CHD9: variants seen among roughly 807,000 people sequenced by gnomAD.
CHD9 encodes the protein ATP-dependent chromatin remodeler CHD9.
CHD9 carries 77 observed loss-of-function variants against 316.1 expected under a neutral mutation model. The ratio of observed to expected loss-of-function variants is 0.24; its 90% CI spans 0.20 to 0.29. CHD9 has a LOEUF of 0.29. CHD9 is among the 10% of genes least tolerant of loss of function. The pLI is 1.00. For synonymous variants in CHD9, 1,129 were observed against 1,158.3 expected, an observed-to-expected ratio of 0.97 and a Z score of 0.51; for missense variants, 2,763 against 3,438.1, an observed-to-expected ratio of 0.80 and a Z score of 4.91.
chr16:53,073,737 C>G (rs2034291805), intron 1 of CHD9, among the ~76,000 whole-genome samples: 1 of 152,206 alleles, frequency 6.6e-6, no homozygotes, highest in African/African-American at 2.4e-5. Flanking sequence ...TCTCTAACTG[C>G]TGCCATGTAA....
At position 53,070,002 on chromosome 16, in the gene CHD9, T is replaced by C. The variant is rs141341445; in HGVS notation, c.-165+14925T>C. ...TTTTGATTTTCAGTTTTCTAATGAT[T>C]AGTGATGTTGAGCATCTTTTCATGC... is the stretch of plus-strand genomic sequence containing the variant. On this transcript the variant is annotated intron_variant, in intron 1 of 38. Transcript: ENST00000447540. 2.4e-3 allele frequency among the ~76,000 whole-genome samples: 358 copies of C among 152,326 alleles called. 3 individuals are homozygous for C. The highest frequency in any genetic ancestry group is 8.3e-3 in the African/African-American group (345 of 41,574).
In CHD9 at chr16:53,157,282, C is replaced by A; in HGVS notation, c.1193C>A (p.Thr398Asn). 6.2e-7 allele frequency: 1 copy of A among 1,609,292 alleles called. No individual in the cohort carries two copies. Among genetic ancestry groups the A allele is most frequent in the Non-Finnish European group, 8.5e-7 (1 of 1,177,458 alleles). The change falls in exon 2 of 39, where the codon ACT (threonine) becomes AAT (asparagine). Residue 398 changes from threonine (T) to asparagine (N), a missense_variant. Around this residue, in one of 15 missense-constraint regions of CHD9, gnomAD observed 859 missense variants for 890.4 expected, o/e 0.96. Coordinates refer to ENST00000447540, the MANE Select transcript of CHD9 (RefSeq NM_001308319.2). Reference sequence around the variant, plus strand: ...TTACTTCATCAAGTGGAATCTCAAACTGAGCCATTCACAGGACTTGACCCC... The same window carrying A: ...TTACTTCATCAAGTGGAATCTCAAAATGAGCCATTCACAGGACTTGACCCC... The part of the protein sequence containing the change: ...ENLLHQVESQ[T>N]EPFTGLDPED...
chr16:53,237,074 C>G (rs1048862671), intron 11 of CHD9, among the ~76,000 whole-genome samples: 1 of 152,098 alleles, frequency 6.6e-6, no homozygotes, highest in African/African-American at 2.4e-5. Flanking sequence ...ATTCTTTAAA[C>G]ACAACAGATT....
rs745373078 is a variant in CHD9, at chr16:53,209,812, G to C, written c.1783G>C (p.Gly595Arg). ...TAAGTTAAAAGAGAAGACAAAAATT[G>C]GGTAAGTTGGTTAAGAATTAAATTT... ...CSKLKEKTKI[G>R]KLIITLGKKQ... The change falls in exon 3 of 39, where the codon GGC (glycine) becomes CGC (arginine). Residue 595 changes from glycine (G) to arginine (R), a missense_variant and splice_region_variant. By Grantham distance (125) the Gly-to-Arg change is moderately radical. Coordinates refer to ENST00000447540, the MANE Select transcript of CHD9 (RefSeq NM_001308319.2). 1.5e-5 allele frequency: 23 copies of C among 1,547,154 alleles called. No homozygotes were observed. Among genetic ancestry groups the C allele is most frequent in the African/African-American group, 2.8e-5 (2 of 72,268 alleles).
intron 1 of CHD9, among the ~76,000 whole-genome samples, chr16:53,069,615 C>T (rs2033831383): frequency 6.6e-6 from 1 of 152,206 alleles, no homozygotes; most frequent in African/African-American, 2.4e-5. Context: ...GTATCTGCCA[C>T]AGTGTGTTTA....
At chr16:53,082,389 C>T (rs1004523034) in intron 1 of CHD9, among the ~76,000 whole-genome samples, 1 of 152,068 alleles carries the variant, frequency 6.6e-6, no homozygotes, top group Non-Finnish European at 1.5e-5. Context: ...AGGCCTTTGC[C>T]GCCACACCCA....
At chr16:53,250,759 A>G (rs1203251091) in intron 17 of CHD9, 1 of 152,142 alleles carries the variant, frequency 6.6e-6, no homozygotes, top group Non-Finnish European at 1.5e-5. Flanking sequence ...AGAACAAAAT[A>G]TAAGAGAAAT....
intron 1 of CHD9, among the ~76,000 whole-genome samples, chr16:53,114,698 C>G (rs1211670315): frequency 1.3e-5 from 2 of 152,232 alleles, no homozygotes; most frequent in African/African-American, 4.8e-5. Flanking sequence ...CGCCATTCTC[C>G]TGTCTCAGCC....
At chr16:53,307,129 A>C (rs779738223) in intron 32 of CHD9, among the ~76,000 whole-genome samples, 2 of 152,022 alleles carry the variant, frequency 1.3e-5, no homozygotes, top group African/African-American at 2.4e-5. Flanking sequence ...ACTTACCTTT[A>C]AGAATGAGGT....
intron 1 of CHD9, among the ~76,000 whole-genome samples, chr16:53,126,319 G>A (rs138977055): frequency 1.6e-3 from 248 of 152,160 alleles, no homozygotes; most frequent in Non-Finnish European, 3.0e-3. Flanking sequence ...CAATCTAAAT[G>A]TCTTGGCATT....
At position 53,263,093 on chromosome 16, in the gene CHD9, G is replaced by T. The variant is rs1333230341; in HGVS notation, c.4316G>T (p.Gly1439Val). ...GAAATAGATATAGAGGCCATCAGTG[G>T]CAGAGTAAGTATTTTTATCCCTCTA... Reference protein sequence around the residue: ...KAEIDIEAISGRNSLVIDTPR... With the variant: ...KAEIDIEAISVRNSLVIDTPR... Residue 1439 changes from glycine (G) to valine (V), a missense_variant, in exon 20 of 39, where the codon GGC (glycine) becomes GTC (valine). Physicochemically the swap from Gly to Val is moderately radical, Grantham distance 109 (BLOSUM62 -3). This residue lies in a region of CHD9 where 199 missense variants were observed against 251.7 expected (regional missense o/e 0.79). Coordinates refer to ENST00000447540, the MANE Select transcript of CHD9 (RefSeq NM_001308319.2). 1 of 1,606,778 alleles carries T rather than the reference G, an allele frequency of 6.2e-7. No homozygotes were observed.
chr16:53,315,147 C>A, intron 36 of CHD9, 103 bp downstream of exon 36: 1 of 752,524 alleles, frequency 1.3e-6, no homozygotes, highest in Non-Finnish European at 2.2e-6. Context: ...AATATGTGCT[C>A]TGCCTAAGAC....
intron 2 of CHD9, among the ~76,000 whole-genome samples, chr16:53,170,925 A>G (rs2042665077): frequency 6.6e-6 from 1 of 152,164 alleles, no homozygotes; most frequent in African/African-American, 2.4e-5. Flanking sequence ...CAACTCAGGA[A>G]GGAAGTAAGG....
intron 3 of CHD9, among the ~76,000 whole-genome samples, chr16:53,221,154 A>G (rs542763484): frequency 1.3e-5 from 2 of 152,342 alleles, no homozygotes; most frequent in Non-Finnish European, 2.9e-5. Context: ...TTAGTTGAGA[A>G]ATCACTATGC....
chr16:53,147,301 A>C (rs184833363), intron 1 of CHD9, among the ~76,000 whole-genome samples: 1 of 152,356 alleles, frequency 6.6e-6, no homozygotes, highest in East Asian at 1.9e-4. Flanking sequence ...AGGGAACAGT[A>C]AATACAAAGT....
chr16:53,286,563 T>A (rs1319214737), intron 26 of CHD9, among the ~76,000 whole-genome samples: 1 of 151,982 alleles, frequency 6.6e-6, no homozygotes, highest in Non-Finnish European at 1.5e-5. Context: ...TTTTGATGAG[T>A]TTTTCATTTC....
intron 1 of CHD9, chr16:53,122,235 C>G (rs191745970): frequency 6.6e-6 from 1 of 151,764 alleles, no homozygotes; most frequent in East Asian, 1.9e-4. Flanking sequence ...ATTATTTATA[C>G]GGGAATAATA....
chr16:53,326,041 T>G lies in CHD9; in HGVS notation c.*1146T>G, dbSNP rs1268164446. 6.6e-6 allele frequency: 1 copy of G among 152,536 alleles called. No homozygotes were observed. The highest frequency in any genetic ancestry group is 1.5e-5 in the Non-Finnish European group (1 of 67,944). The allele number at this position is 152,536 out of a possible 1,614,324, so 9.4% of individuals were successfully genotyped here. ...GAGTTGCCCGTTTTGAAAATGCACT[T>G]TGAATAATCTCAAAAAGATGTACAA... On this transcript the variant is annotated 3_prime_UTR_variant, in exon 39 of 39. Transcript: ENST00000447540.
rs2041510107 is a variant in CHD9 at position 53,156,198 on chromosome 16, G to A, written c.109G>A (p.Asp37Asn). 6.2e-7 allele frequency: 1 copy of A among 1,613,826 alleles called. No individual in the cohort carries two copies. The highest frequency in any genetic ancestry group is 1.3e-5 in the African/African-American group (1 of 74,908). ...FVQPGPVSLV[D>N]ELNLGAEFEP... ...ACAACCAGGACCTGTTTCACTAGTT[G>A]ATGAATTGAATTTGGGTGCAGAATT... Residue 37 changes from aspartate (D) to asparagine (N), a missense_variant, in exon 2 of 39, where the codon GAT (aspartate) becomes AAT (asparagine). Coordinates refer to ENST00000447540, the MANE Select transcript of CHD9 (RefSeq NM_001308319.2).
Sources: allele counts gnomAD v4.1 joint callset (sites outside exome capture counted in the v4.1 genomes callset), GRCh38; gene constraint gnomAD v4.1.1; regional missense constraint gnomAD v4.1.1; transcripts MANE v1.5; gene names NCBI Gene and HGNC (gene_info 2026-07-23, HGNC 2026-07-21).